The following ABCG5 variants were observed in gnomAD, a reference collection of about 807,000 sequenced individuals.
ABCG5 encodes the protein ATP binding cassette subfamily G member 5, also known as ATP-binding cassette sub-family G member 5.
ABCG5 carries 64 observed loss-of-function variants against 64.5 expected under a neutral mutation model. The ratio of observed to expected loss-of-function variants is 0.99; its 90% confidence interval spans 0.81 to 1.22. ABCG5 has a LOEUF of 1.22. Among genes scored for constraint, ABCG5 ranks in the 50% most tolerant of loss-of-function variants. The pLI is 0.00. For missense variants in ABCG5, 908 were observed against 829.5 expected (o/e 1.09, Z -1.16); for synonymous variants, 385 against 326.3 (o/e 1.18, Z -1.94).
intron 2 of ABCG5, among the ~76,000 whole-genome samples, chr2:43,833,067 C>G (rs1668047745): frequency 6.6e-6 from 1 of 152,214 alleles, no homozygotes. Context: ...GCCTCAGCCT[C>G]CCAAAGTGCT....
At chr2:43,823,674 G>A (rs1427692303) in intron 9 of ABCG5, among the ~76,000 whole-genome samples, 2 of 152,170 alleles carry the variant, frequency 1.3e-5, no homozygotes, top group Non-Finnish European at 1.5e-5. Context: ...CTCCCCACCA[G>A]TACATTGTCA....
intron 4 of ABCG5, among the ~76,000 whole-genome samples, chr2:43,829,059 A>C (rs1268893207): frequency 6.6e-6 from 1 of 152,210 alleles, no homozygotes; most frequent in Non-Finnish European, 1.5e-5. Flanking sequence ...ATTAACCAGG[A>C]AACAACAGAT....
chr2:43,833,546 C>A (rs1428321168), intron 2 of ABCG5, among the ~76,000 whole-genome samples: 2 of 151,758 alleles, frequency 1.3e-5, no homozygotes, highest in Non-Finnish European at 2.9e-5. Context: ...CCATGCCCAA[C>A]TAATTTTTTT....
chr2:43,821,888 C>A (rs893233431), intron 10 of ABCG5, among the ~76,000 whole-genome samples: 1 of 152,002 alleles, frequency 6.6e-6, no homozygotes, highest in Non-Finnish European at 1.5e-5. Flanking sequence ...CCCTCTCTTC[C>A]CGCACCCCAT....
At chr2:43,835,537 C>A (rs945802910) in intron 2 of ABCG5, among the ~76,000 whole-genome samples, 8 of 152,258 alleles carry the variant, frequency 5.3e-5, no homozygotes, top group African/African-American at 1.9e-4. Flanking sequence ...TAAGAACTGA[C>A]AAAGTCTTTG....
intron 12 of ABCG5, among the ~76,000 whole-genome samples, chr2:43,813,711 T>A (rs1405745894): frequency 2.4e-5 from 2 of 83,330 alleles, no homozygotes; most frequent in East Asian, 2.6e-4. Context: ...TTTTTTTCGT[T>A]TTTTTTTTTT....
At chr2:43,832,409 T>C in intron 2 of ABCG5, 1 of 462,874 alleles carries the variant, frequency 2.2e-6, no homozygotes, top group East Asian at 4.2e-5. Flanking sequence ...AAAAACAAAA[T>C]ACTTATAGGT....
Position 43,838,387 on chromosome 2 carries a change from C to G in ABCG5, c.143+150G>C. 1 of 743,844 alleles carries G rather than the reference C, an allele frequency of 1.3e-6. No individual in the cohort carries two copies. Among genetic ancestry groups the G allele is most frequent in the Admixed American group, 2.7e-5 (1 of 36,838 alleles). 46.1% of individuals were successfully genotyped at this position (743,844 alleles called of 1,614,324 possible). A position where few individuals can be genotyped will look rare whatever the true frequency, so the allele number is the denominator to read the frequency against. Reference sequence around the variant, plus strand: ...GTCGCTCCATGTTTCCCAGCACAGCCCTTCTCCCTCTCCTCTCTCCACCCG... The same window carrying G: ...GTCGCTCCATGTTTCCCAGCACAGCGCTTCTCCCTCTCCTCTCTCCACCCG... On this transcript the variant is annotated intron_variant, in intron 1 of 12. Transcript: ENST00000405322. This position sits in a 1 kb window ranked among gnomAD's most constrained non-coding sequence, Gnocchi z 4.2.
At chr2:43,824,539 A>C in intron 7 of ABCG5, 107 bp from the exon 8 acceptor site, 1 of 1,591,598 alleles carries the variant, frequency 6.3e-7, no homozygotes, top group Non-Finnish European at 8.5e-7. Flanking sequence ...CATCCCATCA[A>C]GATAAAATTT....
At chr2:43,837,994 G>A (rs1398847820) in intron 1 of ABCG5, 39 bp from the exon 2 acceptor site, 4 of 1,612,756 alleles carry the variant, frequency 2.5e-6, no homozygotes, top group Middle Eastern at 1.7e-4. Context: ...GCAGCTTGGG[G>A]CCCTGGAAGG....
chr2:43,830,491 G>A (rs563108954), intron 4 of ABCG5, among the ~76,000 whole-genome samples: 7 of 152,244 alleles, frequency 4.6e-5, no homozygotes, highest in African/African-American at 1.4e-4. Context: ...CAACAGCCCC[G>A]CAGACATAGC....
chr2:43,813,354 G>A (rs1271446200), intron 12 of ABCG5, 45 bp from the exon 13 acceptor site: 3 of 1,397,726 alleles, frequency 2.1e-6, no homozygotes, highest in East Asian at 2.3e-5. Flanking sequence ...TTTATCTCAG[G>A]TAATTTAATC....
chr2:43,817,440 G>A (rs1057343859), intron 11 of ABCG5, among the ~76,000 whole-genome samples: 1 of 151,988 alleles, frequency 6.6e-6, no homozygotes, highest in Non-Finnish European at 1.5e-5. Context: ...AGCCGAGATC[G>A]TGCCATTGCA....
chr2:43,812,353 T>TA (rs1475815942), downstream of ABCG5: 2 of 142,290 alleles, frequency 1.4e-5, no homozygotes, highest in Non-Finnish European at 3.0e-5. Context: ...TTTTTTTTTT[T>TA]ATACTTTAAG....
At chr2:43,819,763 C>G in intron 11 of ABCG5, 152 bp downstream of exon 11, 1 of 827,788 alleles carries the variant, frequency 1.2e-6, no homozygotes, top group Admixed American at 2.2e-5. Flanking sequence ...AGGTCTAAGG[C>G]AATGATTAAC....
At chr2:43,813,970 A>C (rs115584075) in intron 12 of ABCG5, among the ~76,000 whole-genome samples, 3,290 of 149,222 alleles carry the variant, frequency 0.022, 83 homozygotes, top group African/African-American at 0.063. Context: ...CCAACCTCCG[A>C]CTCCCAAAGT....
intron 11 of ABCG5, among the ~76,000 whole-genome samples, chr2:43,819,226 T>A (rs1234019147): frequency 6.6e-6 from 1 of 152,174 alleles, no homozygotes; most frequent in African/African-American, 2.4e-5. Context: ...CTGCCTGGGA[T>A]CATTTTTAGC....
At chr2:43,828,422 G>A (rs1170253480) in intron 4 of ABCG5, 2 of 431,378 alleles carry the variant, frequency 4.6e-6, no homozygotes, top group African/African-American at 2.1e-5. Flanking sequence ...AATTGCTTGA[G>A]GCCAGGAGTT....
At chr2:43,836,593 G>A (rs954255975) in intron 2 of ABCG5, among the ~76,000 whole-genome samples, 1 of 152,270 alleles carries the variant, frequency 6.6e-6, no homozygotes, top group Non-Finnish European at 1.5e-5. Context: ...TGCTGAGAAC[G>A]TCAGCTGCAG....
Sources: allele counts gnomAD v4.1 joint callset (sites outside exome capture counted in the v4.1 genomes callset), GRCh38; gene constraint gnomAD v4.1.1; non-coding constraint Gnocchi (gnomAD v3.1); transcripts MANE v1.5; gene names NCBI Gene and HGNC (gene_info 2026-07-23, HGNC 2026-07-21).